MUC5B: variants seen among roughly 807,000 people sequenced by gnomAD.
MUC5B encodes mucin-5B.
A neutral mutation model predicts 376.9 loss-of-function variants in MUC5B; 116 were observed. That is an observed-to-expected ratio of 0.31 (90% CI 0.26 to 0.36). The LOEUF (loss-of-function observed/expected upper bound fraction) is 0.36. Among genes scored for constraint, MUC5B ranks in the 10% least tolerant of loss-of-function variants. The pLI is 1.00. For missense variants in MUC5B, 7,165 were observed against 7,769.9 expected (o/e 0.92, Z 2.93); for synonymous variants, 3,517 against 3,390.9 (o/e 1.04, Z -1.29).
rs116500721 is a variant in MUC5B, at chr11:1,230,469, C to T, written c.1360-21C>T. Reference sequence around the variant, plus strand: ...ACATCATCGAGCCAGGCCCAATGCACGCGTGGGTCCTTCTCCCCAGAAATG... The same window carrying T: ...ACATCATCGAGCCAGGCCCAATGCATGCGTGGGTCCTTCTCCCCAGAAATG... On this transcript the variant is annotated intron_variant, in intron 11 of 48. Coordinates refer to ENST00000529681, the MANE Select transcript of MUC5B (RefSeq NM_002458.3). 5.5e-4 allele frequency: 862 copies of T among 1,575,378 alleles called. 4 individuals carry two copies. The African/African-American group carries it at 9.8e-3, about 18-fold the overall frequency.
rs771556099 is a variant in MUC5B, at chr11:1,240,834, T to C, written c.3971-17T>C. 3.2e-5 allele frequency: 51 copies of C among 1,591,146 alleles called. No individual in the cohort carries two copies. Among genetic ancestry groups the C allele is most frequent in the Non-Finnish European group, 4.3e-5 (50 of 1,168,800 alleles). On this transcript the variant is annotated splice_polypyrimidine_tract_variant and intron_variant, in intron 30 of 48. Transcript: ENST00000529681. ...GGAGGATGCTGAGCCAGGACCCCTT[T>C]CCCATGCCCCTTGCAGGCCCGGCCC...
In MUC5B at chr11:1,253,064, GGTGGGGCACA is replaced by G; in HGVS notation, c.15217+91_15217+100del. 1 of 1,518,064 alleles carries G rather than the reference GGTGGGGCACA, an allele frequency of 6.6e-7. No individual in the cohort carries two copies. Among genetic ancestry groups the G allele is most frequent in the Non-Finnish European group, 9.0e-7 (1 of 1,112,278 alleles). 94.0% of individuals were successfully genotyped at this position (1,518,064 alleles called of 1,614,324 possible). ...CGGCTAGGCTGGCAGAATGGGGCAT[GGTGGGGCACA>G]GTGGGGTGCAGTGGGGAATGGTGGG... On this transcript the variant is annotated intron_variant, in intron 33 of 48. Coordinates refer to ENST00000529681, the MANE Select transcript of MUC5B (RefSeq NM_002458.3). This position sits in a 1 kb window ranked among gnomAD's most constrained non-coding sequence, Gnocchi z 4.3.
Position 1,259,753 on chromosome 11 carries a change from C to T in MUC5B, c.16714-3C>T, listed in dbSNP as rs769427540. 8.1e-6 allele frequency: 13 copies of T among 1,612,296 alleles called. No individual in the cohort carries two copies. The South Asian group carries it at 1.2e-4, about 15-fold the overall frequency. ...GGGCCTGACGCCCCTCATGTCCCCACAGGGCTTTGAGTACAAGAGAGTGGC... is the reference window on the plus strand; with the variant it reads ...GGGCCTGACGCCCCTCATGTCCCCATAGGGCTTTGAGTACAAGAGAGTGGC... On this transcript the variant is annotated splice_polypyrimidine_tract_variant and splice_region_variant and intron_variant, in intron 44 of 48. Coordinates refer to ENST00000529681, the MANE Select transcript of MUC5B (RefSeq NM_002458.3).
Position 1,227,010 on chromosome 11 carries a change from G to A in MUC5B, c.462-21G>A, listed in dbSNP as rs546220443. On this transcript the variant is annotated intron_variant, in intron 4 of 48. Coordinates refer to ENST00000529681, the MANE Select transcript of MUC5B (RefSeq NM_002458.3). ...CAGCCAGGAGAGCGGGGCCCAGGGA[G>A]AGACCCCGCTGTCTGCGCAGGGAGG... 10 of 1,595,158 alleles carry A rather than the reference G, an allele frequency of 6.3e-6. No individual in the cohort carries two copies. In the African/African-American group the frequency reaches 9.4e-5, roughly 15 times the overall value.
In MUC5B at chr11:1,246,104, G is replaced by A; in HGVS notation, c.9224G>A (p.Gly3075Glu). 6.2e-7 allele frequency: 1 copy of A among 1,611,650 alleles called. No homozygotes were observed. The highest frequency in any genetic ancestry group is 8.5e-7 in the Non-Finnish European group (1 of 1,179,246). The change falls in exon 31 of 49, where the codon GGG becomes GAG. Residue 3075 changes from glycine to glutamate, a missense_variant. Gly to Glu is a moderately conservative substitution (Grantham distance 98). Coordinates refer to ENST00000529681, the MANE Select transcript of MUC5B (RefSeq NM_002458.3). ...ACACCCATCCCCTCCTTCACCCTTG[G>A]GACCACCGGGACCCTCCCAGAACAG... ...SFTPIPSFTLGTTGTLPEQTT... is the reference protein window; with the variant it reads ...SFTPIPSFTLETTGTLPEQTT...
Position 1,241,975 on chromosome 11 carries a change from C to A in MUC5B, c.5095C>A (p.Leu1699Ile). ...ATCCACCCTTCCAACACGCTCAGCC[C>A]TTCCAGGGACGACGGGGAGCTTGGG... ...ATSTLPTRSA[L>I]PGTTGSLGTW... Residue 1699 changes from leucine (L) to isoleucine (I), a missense_variant, in exon 31 of 49, where the codon CTT (leucine) becomes ATT (isoleucine). Leu to Ile is a conservative substitution (Grantham distance 5, BLOSUM62 2). Coordinates refer to ENST00000529681, the MANE Select transcript of MUC5B (RefSeq NM_002458.3). The A allele has an allele frequency of 1.9e-6, 3 of 1,598,224 alleles. No homozygotes were observed. The highest frequency in any genetic ancestry group is 2.3e-5 in the South Asian group (2 of 88,776).
At position 1,242,102 on chromosome 11, in the gene MUC5B, T is replaced by G. The variant is rs1380708985; in HGVS notation, c.5222T>G (p.Leu1741Arg). ...GCCAGCACCGCTTCCAAAGAGCCGC[T>G]GACCACGAGCCTGGCGCCAACACTC... is the stretch of plus-strand genomic sequence containing the variant. The part of the protein sequence containing the change: ...GTASTASKEP[L>R]TTSLAPTLTS... The change falls in exon 31 of 49, where the codon CTG (leucine) becomes CGG (arginine). Residue 1741 changes from leucine (L) to arginine (R), a missense_variant. This residue lies in a region of MUC5B where 897 missense variants were observed against 779.6 expected (regional missense o/e 1.15). Coordinates refer to ENST00000529681, the MANE Select transcript of MUC5B (RefSeq NM_002458.3). 1 of 1,613,060 alleles carries G rather than the reference T, an allele frequency of 6.2e-7. No homozygotes were observed. Among genetic ancestry groups the G allele is most frequent in the Non-Finnish European group, 8.5e-7 (1 of 1,179,682 alleles).
chr11:1,232,130 G>A lies in MUC5B; in HGVS notation c.1813G>A (p.Glu605Lys). Residue 605 changes from glutamate (E) to lysine (K), a missense_variant, in exon 15 of 49, where the codon GAG becomes AAG. Physicochemically the swap from Glu to Lys is moderately conservative, Grantham distance 56. Coordinates refer to ENST00000529681, the MANE Select transcript of MUC5B (RefSeq NM_002458.3). ...AACANARNSFEDPCSLSVENE... is the reference protein window; with the variant it reads ...AACANARNSFKDPCSLSVENE... ...CTGTGCCAATGCCAGGAACAGCTTT[G>A]AGGACCCCTGCTCCCTCAGTGTGGA... 6.2e-7 allele frequency: 1 copy of A among 1,611,540 alleles called. No homozygotes were observed. Among genetic ancestry groups the A allele is most frequent in the Non-Finnish European group, 8.5e-7 (1 of 1,179,066 alleles).
rs780161615 is a variant in MUC5B, at chr11:1,232,734, G to A, written c.2029G>A (p.Gly677Ser). 42 of 1,601,056 alleles carry A rather than the reference G, an allele frequency of 2.6e-5. No homozygotes were observed. Among genetic ancestry groups the A allele is most frequent in the Non-Finnish European group, 3.6e-5 (42 of 1,173,826 alleles). Residue 677 changes from glycine (G) to serine (S), a missense_variant, in exon 17 of 49, where the codon GGC becomes AGC. Physicochemically the swap from Gly to Ser is moderately conservative, Grantham distance 56. Coordinates refer to ENST00000529681, the MANE Select transcript of MUC5B (RefSeq NM_002458.3). ...CTATGTGCACGCCTGTGCCGCCAAG[G>A]GCGTACAGCTCAGCGACTGGAGGGA... The part of the protein sequence containing the change: ...SSYVHACAAK[G>S]VQLSDWRDGV...
At chr11:1,254,457 C>T in intron 34 of MUC5B, 106 bp downstream of exon 34, 1 of 1,463,496 alleles carries the variant, frequency 6.8e-7, no homozygotes, top group African/African-American at 1.4e-5. Context: ...TGGCCCAGTG[C>T]CCAAGACAGC....
In MUC5B at chr11:1,243,090, A is replaced by G; in HGVS notation, c.6210A>G (p.Ala2070=). The G allele has an allele frequency of 6.2e-7, 1 of 1,610,304 alleles. No homozygotes were observed. Among genetic ancestry groups the G allele is most frequent in the South Asian group, 1.1e-5 (1 of 90,976 alleles). Residue 2070 remains alanine, a synonymous_variant, in exon 31 of 49, where the codon GCA becomes GCG. Transcript: ENST00000529681. The stretch of plus-strand genomic sequence containing the variant: ...CCCCCTCCTCCAGCCCAGGGACGGC[A>G]CTCACGCCTCCAGTGTGGATCAGCA... ...TATPSSSPGT[A]LTPPVWISTT...
chr11:1,245,744 T>C lies in MUC5B; in HGVS notation c.8864T>C (p.Met2955Thr), dbSNP rs1464640772. The C allele has an allele frequency of 1.2e-6, 2 of 1,610,870 alleles. No individual in the cohort carries two copies. The highest frequency in any genetic ancestry group is 1.1e-5 in the South Asian group (1 of 90,928). The change falls in exon 31 of 49, where the codon ATG (methionine) becomes ACG (threonine). Residue 2955 changes from methionine (M) to threonine (T), a missense_variant. Transcript: ENST00000529681. ...CGTGAGCAGGTGGGGAAGTTCAAGA[T>C]GTGCTTCAACTATGAAATCCGTGTG... Reference protein sequence around the residue: ...RNREQVGKFKMCFNYEIRVFC... With the variant: ...RNREQVGKFKTCFNYEIRVFC...
Position 1,249,388 on chromosome 11 carries a change from C to T in MUC5B, c.12508C>T (p.Leu4170=), listed in dbSNP as rs919502524. 3 of 1,611,212 alleles carry T rather than the reference C, an allele frequency of 1.9e-6. No individual in the cohort carries two copies. The Admixed American group carries it at 5.0e-5, about 27-fold the overall frequency. ...AAGGAVCEQP[L]GLECRAQAQP... ...CGGAGGGGCCGTCTGTGAGCAGCCC[C>T]TGGGCCTCGAGTGCCGTGCCCAGGC... is the stretch of plus-strand genomic sequence containing the variant. Residue 4170 remains leucine (L), a synonymous_variant, in exon 31 of 49, where the codon CTG becomes TTG. Transcript: ENST00000529681.
chr11:1,230,417 C>T lies in MUC5B; in HGVS notation c.1360-73C>T, dbSNP rs1031746473. 3 of 1,388,408 alleles carry T rather than the reference C, an allele frequency of 2.2e-6. No individual in the cohort carries two copies. In the African/African-American group the frequency reaches 4.3e-5, roughly 20 times the overall value. The allele number at this position is 1,388,408 out of a possible 1,614,324, so 86.0% of individuals were successfully genotyped here. Reference sequence around the variant, plus strand: ...AGAGCCACATCCCCCACATGGGCATCCCCAGCACACTTCTGGGGGGCACCC... The same window carrying T: ...AGAGCCACATCCCCCACATGGGCATTCCCAGCACACTTCTGGGGGGCACCC... On this transcript the variant is annotated intron_variant, in intron 11 of 48. Coordinates refer to ENST00000529681, the MANE Select transcript of MUC5B (RefSeq NM_002458.3).
At position 1,246,022 on chromosome 11, in the gene MUC5B, G is replaced by T. The variant is rs149893138; in HGVS notation, c.9142G>T (p.Ala3048Ser). 6.2e-7 allele frequency: 1 copy of T among 1,612,332 alleles called. No homozygotes were observed. Among genetic ancestry groups the T allele is most frequent in the Non-Finnish European group, 8.5e-7 (1 of 1,179,524 alleles). Residue 3048 changes from alanine to serine, a missense_variant, in exon 31 of 49, where the codon GCA becomes TCA. This residue lies in a region of MUC5B where 939 missense variants were observed against 770.6 expected (regional missense o/e 1.22). Transcript: ENST00000529681. ...KATSSSSPRT[A>S]TTLPVLTSTA... The stretch of plus-strand genomic sequence containing the variant: ...CACTTCCTCCTCCAGTCCAAGGACT[G>T]CAACCACCCTTCCAGTGCTGACAAG...
chr11:1,231,805 T>C (rs1046100777), intron 14 of MUC5B, among the ~76,000 whole-genome samples, 191 bp from the exon 15 acceptor site: 1 of 152,178 alleles, frequency 6.6e-6, no homozygotes, highest in Non-Finnish European at 1.5e-5. Flanking sequence ...GCACAGGGGC[T>C]GGCTTTGCAC....
chr11:1,252,871 C>T lies in MUC5B; in HGVS notation c.15108C>T (p.Val5036=), dbSNP rs763795416. The stretch of plus-strand genomic sequence containing the variant: ...CCAGGTGCGTGGGTGACAACCGTGT[C>T]GTCCTGCTGGACCCAAAGCCTGTGG... The part of the protein sequence containing the change: ...TVARCVGDNR[V]VLLDPKPVAN... The change falls in exon 33 of 49, where the codon GTC becomes GTT. Residue 5036 remains valine (V), a synonymous_variant. Coordinates refer to ENST00000529681, the MANE Select transcript of MUC5B (RefSeq NM_002458.3). 2.5e-5 allele frequency: 41 copies of T among 1,612,432 alleles called. No individual in the cohort carries two copies. The highest frequency in any genetic ancestry group is 4.0e-5 in the African/African-American group (3 of 74,926).
At position 1,261,743 on chromosome 11, in the gene MUC5B, C is replaced by A. The variant is rs2133858012; in HGVS notation, c.*135C>A. 2 of 918,310 alleles carry A rather than the reference C, an allele frequency of 2.2e-6. No homozygotes were observed. Among genetic ancestry groups the A allele is most frequent in the Non-Finnish European group, 3.4e-6 (2 of 583,362 alleles). The allele number at this position is 918,310 out of a possible 1,614,324, so 56.9% of individuals were successfully genotyped here. On this transcript the variant is annotated 3_prime_UTR_variant, in exon 49 of 49. Transcript: ENST00000529681. ...CACCCCGCGCTCCGTGCTCCTGCTG[C>A]CCACCCCGTGGGTGAAACCGGCCCC...
rs201500908 is a variant in MUC5B at position 1,230,138 on chromosome 11, T to A, written c.1354T>A (p.Ser452Thr). The change falls in exon 11 of 49, where the codon TCC (serine) becomes ACC (threonine). Residue 452 changes from serine (S) to threonine (T), a missense_variant. By Grantham distance (58) the Ser-to-Thr change is moderately conservative. Around this residue, in one of 31 missense-constraint regions of MUC5B, gnomAD observed 640 missense variants for 733.0 expected, o/e 0.87. Coordinates refer to ENST00000529681, the MANE Select transcript of MUC5B (RefSeq NM_002458.3). ...GCATGGTGACTGCAGCTACGTTCTG[T>A]CCAAGGTCTGGGCTTGGGGCCGGGT... is the stretch of plus-strand genomic sequence containing the variant. ...DLHGDCSYVL[S>T]KKCADSSFTV... The A allele has an allele frequency of 2.5e-4, 395 of 1,600,916 alleles. No individual in the cohort carries two copies. In the African/African-American group the frequency reaches 4.8e-3, roughly 19 times the overall value.
Sources: allele counts gnomAD v4.1 joint callset (sites outside exome capture counted in the v4.1 genomes callset), GRCh38; gene constraint gnomAD v4.1.1; regional missense constraint gnomAD v4.1.1; non-coding constraint Gnocchi (gnomAD v3.1); transcripts MANE v1.5; gene names NCBI Gene and HGNC (gene_info 2026-07-23, HGNC 2026-07-21).